Variants in TRPC4 observed in about 807,000 individuals in gnomAD.
TRPC4 encodes transient receptor potential cation channel subfamily C member 4.
In TRPC4, 49 loss-of-function variants were observed where a neutral mutation model predicts 99.4. The observed-to-expected ratio is 0.49, with a 90% CI of 0.39 to 0.63. The LOEUF (loss-of-function observed/expected upper bound fraction) is 0.63, where lower values mean the gene tolerates loss of function less well. Among genes scored for constraint, TRPC4 ranks in the 20% least tolerant of loss-of-function variants. The pLI, the probability that TRPC4 is intolerant of heterozygous loss-of-function variation, is 0.00. For synonymous variants in TRPC4, 454 were observed against 425.9 expected (o/e 1.07, Z -0.81); for missense variants, 898 against 1,152.9 (o/e 0.78, Z 3.20).
chr13:37,795,308 G>A (rs1313309900), intron 1 of TRPC4, among the ~76,000 whole-genome samples: 2 of 152,142 alleles, frequency 1.3e-5, no homozygotes, highest in Non-Finnish European at 2.9e-5. Context: ...GGTAAATTTT[G>A]TGTATATGTA....
chr13:37,836,410 G>C (rs1256701514), intron 1 of TRPC4, among the ~76,000 whole-genome samples: 1 of 152,154 alleles, frequency 6.6e-6, no homozygotes, highest in Non-Finnish European at 1.5e-5. Flanking sequence ...GAACTCCCTA[G>C]AGGCTCGTTG....
Position 37,663,452 on chromosome 13 carries a change from C to A in TRPC4, c.1652G>T (p.Gly551Val). 1 of 1,613,940 alleles carries A rather than the reference C, an allele frequency of 6.2e-7. No individual in the cohort carries two copies. Among genetic ancestry groups the A allele is most frequent in the Non-Finnish European group, 8.5e-7 (1 of 1,179,940 alleles). The stretch of plus-strand genomic sequence containing the variant: ...ATTATTCTGCTTTTCACATCTTATG[C>A]CTTTGCAGGTTAACCCTTTCGTTTC... The part of the protein sequence containing the change: ...YEETKGLTCK[G>V]IRCEKQNNAF... The change falls in exon 6 of 11, where the codon GGC (glycine) becomes GTC (valine). Residue 551 changes from glycine (G) to valine (V), a missense_variant. Physicochemically the swap from Gly to Val is moderately radical, Grantham distance 109 (BLOSUM62 -3). This residue lies in a region of TRPC4 where 274 missense variants were observed against 454.9 expected (regional missense o/e 0.60). Transcript: ENST00000379705.
chr13:37,849,885 AACACAGAAG>A (rs1959010657), intron 1 of TRPC4, among the ~76,000 whole-genome samples: 1 of 152,214 alleles, frequency 6.6e-6, no homozygotes, highest in African/African-American at 2.4e-5. Flanking sequence ...CATTAGAAAC[AACACAGAAG>A]ACAAATAATC....
chr13:37,817,167 C>A (rs653022), intron 1 of TRPC4, among the ~76,000 whole-genome samples: 88,022 of 151,872 alleles, frequency 0.58, 26,496 homozygotes, highest in African/African-American at 0.73. Context: ...ACACAACTTC[C>A]GCAAAGTCTC....
At chr13:37,724,897 G>C (rs1954993036) in intron 3 of TRPC4, among the ~76,000 whole-genome samples, 1 of 152,088 alleles carries the variant, frequency 6.6e-6, no homozygotes, top group Non-Finnish European at 1.5e-5. Context: ...ATTATAGATG[G>C]AGAAAACGTT....
rs114003143 is a variant in TRPC4 at position 37,695,510 on chromosome 13, C to T, written c.898-3175G>A. Reference sequence around the variant, plus strand: ...CGCACCATTCCAGGACTGGGAGAAGCGAGGTTTGTTTTTAGACACAATTCA... The same window carrying T: ...CGCACCATTCCAGGACTGGGAGAAGTGAGGTTTGTTTTTAGACACAATTCA... On this transcript the variant is annotated intron_variant, in intron 3 of 10. Coordinates refer to ENST00000379705, the MANE Select transcript of TRPC4 (RefSeq NM_016179.4). Among the ~76,000 whole-genome samples, 962 of 152,246 alleles carry T rather than the reference C, an allele frequency of 6.3e-3. 10 individuals are homozygous for T. Among genetic ancestry groups the T allele is most frequent in the African/African-American group, 0.022 (914 of 41,540 alleles).
chr13:37,638,948 C>G, intron 10 of TRPC4, 92 bp downstream of exon 10: 1 of 1,307,358 alleles, frequency 7.6e-7, no homozygotes, highest in Non-Finnish European at 1.1e-6. Context: ...CTGGAACACA[C>G]AGCTGCATTT....
chr13:37,814,622 C>T (rs1215180604), intron 1 of TRPC4, among the ~76,000 whole-genome samples: 3 of 151,736 alleles, frequency 2.0e-5, no homozygotes, highest in Admixed American at 6.6e-5. Context: ...GTCTTGCATT[C>T]TTTCACTTGT....
At chr13:37,773,422 T>G (rs981470283) in intron 2 of TRPC4, among the ~76,000 whole-genome samples, 3 of 151,828 alleles carry the variant, frequency 2.0e-5, no homozygotes, top group African/African-American at 7.2e-5. Flanking sequence ...TTTTCTGTAT[T>G]CCCCACTCAT....
At chr13:37,810,632 C>T (rs765322662) in intron 1 of TRPC4, among the ~76,000 whole-genome samples, 1 of 151,996 alleles carries the variant, frequency 6.6e-6, no homozygotes, top group Non-Finnish European at 1.5e-5. Flanking sequence ...AGTTAGTTAA[C>T]AAATGATTTT....
At chr13:37,729,920 C>T (rs879738328) in intron 3 of TRPC4, among the ~76,000 whole-genome samples, 4 of 151,816 alleles carry the variant, frequency 2.6e-5, no homozygotes, top group Non-Finnish European at 5.9e-5. Flanking sequence ...GATGGTTGCA[C>T]GGTATGAATG....
At chr13:37,812,811 A>G (rs1421919904) in intron 1 of TRPC4, among the ~76,000 whole-genome samples, 2 of 152,118 alleles carry the variant, frequency 1.3e-5, no homozygotes, top group Non-Finnish European at 2.9e-5. Context: ...ACAGCAAGTC[A>G]TGTGATAATC....
At chr13:37,709,711 TC>T (rs1271999532) in intron 3 of TRPC4, among the ~76,000 whole-genome samples, 1 of 152,012 alleles carries the variant, frequency 6.6e-6, no homozygotes, top group Non-Finnish European at 1.5e-5. Flanking sequence ...TGTGCATGTA[TC>T]ATGGGATCAA....
At chr13:37,855,802 T>A (rs564450470) in intron 1 of TRPC4, among the ~76,000 whole-genome samples, 232 of 151,880 alleles carry the variant, frequency 1.5e-3, no homozygotes, top group African/African-American at 3.8e-3. Flanking sequence ...ATAAAGTAAT[T>A]AAGAAGGAAA....
chr13:37,728,180 G>T lies in TRPC4; in HGVS notation c.897+17757C>A, dbSNP rs1955124722. ...GCTTCTATTCAACATAGTATTGGAA[G>T]TTCTAGACAGAGCAATTATGTGAAA... On this transcript the variant is annotated intron_variant, in intron 3 of 10. Transcript: ENST00000379705. Among the ~76,000 whole-genome samples, 3 of 150,948 alleles carry T rather than the reference G, an allele frequency of 2.0e-5. No individual in the cohort carries two copies. In the Admixed American group the frequency reaches 2.0e-4, roughly 10 times the overall value.
At chr13:37,833,707 T>A (rs899002275) in intron 1 of TRPC4, among the ~76,000 whole-genome samples, 5 of 152,152 alleles carry the variant, frequency 3.3e-5, no homozygotes, top group African/African-American at 1.2e-4. Context: ...AAGAATAATT[T>A]AGCTGGACTC....
chr13:37,858,250 A>T (rs562559380), intron 1 of TRPC4, among the ~76,000 whole-genome samples: 1 of 151,868 alleles, frequency 6.6e-6, no homozygotes, highest in South Asian at 2.1e-4. Flanking sequence ...GCTTCTATTC[A>T]AAAGGCAGAC....
intron 1 of TRPC4, among the ~76,000 whole-genome samples, chr13:37,796,975 AAAG>A (rs1566178127): frequency 1.4e-4 from 20 of 148,098 alleles, no homozygotes; most frequent in African/African-American, 4.2e-4. Context: ...AAAATAAAGT[AAAG>A]TAAAGTAAAG....
chr13:37,672,844 A>G (rs535109570), intron 5 of TRPC4, among the ~76,000 whole-genome samples: 3 of 152,244 alleles, frequency 2.0e-5, no homozygotes, highest in Non-Finnish European at 2.9e-5. Context: ...ATTTTGAAAT[A>G]TACTTGCTTT....
Sources: gnomAD v4.1 joint callset for allele counts (sites outside exome capture counted in the v4.1 genomes callset) on GRCh38, gnomAD v4.1.1 for gene constraint, gnomAD v4.1.1 regional missense constraint, MANE v1.5 for transcripts, NCBI Gene and HGNC (gene_info 2026-07-23, HGNC 2026-07-21) for gene names.